Variants in TADA1 observed in about 807,000 individuals in gnomAD.
TADA1 encodes transcriptional adaptor 1.
TADA1 carries 23 observed loss-of-function variants against 39.3 expected under a neutral mutation model. The ratio of observed to expected loss-of-function variants is 0.58; its 90% CI spans 0.42 to 0.83. The LOEUF is 0.83. Ranked by LOEUF, TADA1 falls within the 40% of genes least tolerant of loss-of-function variation. The pLI is 0.00. For synonymous variants in TADA1, 137 were observed against 151.8 expected, an observed-to-expected ratio of 0.90 and a Z score of 0.72; for missense variants, 352 against 408.1, an observed-to-expected ratio of 0.86 and a Z score of 1.18.
chr1:166,862,512 A>G, intron 4 of TADA1, 100 bp from the exon 5 acceptor site: 1 of 915,866 alleles, frequency 1.1e-6, no homozygotes, highest in South Asian at 1.5e-5. Context: ...AATTAATGCC[A>G]CCAAAACTAT....
intron 7 of TADA1, 50 bp downstream of exon 7, chr1:166,858,069 C>G: frequency 6.2e-7 from 1 of 1,602,442 alleles, no homozygotes; most frequent in Non-Finnish European, 8.5e-7. Flanking sequence ...CTTAAAGAAT[C>G]TCTTAACCTA....
At chr1:166,858,900 A>G (rs577035217) in intron 6 of TADA1, among the ~76,000 whole-genome samples, 53 of 152,374 alleles carry the variant, frequency 3.5e-4, no homozygotes, top group Admixed American at 3.9e-4. Context: ...CAGCCCTGTT[A>G]GAGTAACAAG....
intron 4 of TADA1, 163 bp downstream of exon 4, chr1:166,863,661 A>G: frequency 1.6e-6 from 1 of 636,552 alleles, no homozygotes; most frequent in Non-Finnish European, 2.7e-6. Context: ...AAAAATTCAG[A>G]CACCTAGAAC....
intron 1 of TADA1, among the ~76,000 whole-genome samples, chr1:166,875,559 A>G (rs1658745013): frequency 1.3e-5 from 2 of 152,246 alleles, no homozygotes; most frequent in Non-Finnish European, 2.9e-5. Flanking sequence ...TGTTGTAAGG[A>G]TTAGATAATA....
Position 166,876,143 on chromosome 1 carries a change from G to C in TADA1, c.74+17C>G, listed in dbSNP as rs1208611782. ...ACCCGCGTGTTGGCCTGGACGCTGT[G>C]CTAGGGCAGCTCTTACTGTTTCACG... On this transcript the variant is annotated intron_variant, in intron 1 of 7. Transcript: ENST00000367874. The C allele has an allele frequency of 6.2e-7, 1 of 1,611,244 alleles. No individual in the cohort carries two copies. The highest frequency in any genetic ancestry group is 1.1e-5 in the South Asian group (1 of 90,514).
chr1:166,869,995 T>C (rs1256366737), intron 1 of TADA1, 141 bp from the exon 2 acceptor site: 1 of 662,648 alleles, frequency 1.5e-6, no homozygotes, highest in Non-Finnish European at 2.6e-6. Flanking sequence ...AGCTCTGAAC[T>C]TCTGGCTTTA....
At chr1:166,857,892 G>A (rs1658316400) in intron 7 of TADA1, among the ~76,000 whole-genome samples, 173 bp from the exon 8 acceptor site, 1 of 152,144 alleles carries the variant, frequency 6.6e-6, no homozygotes, top group Admixed American at 6.5e-5. Context: ...TCTGAAACAG[G>A]AATAGCAGAA....
rs147364580 is a variant in TADA1 at position 166,863,911 on chromosome 1, T to A, written c.243A>T (p.Gly81=). Residue 81 remains glycine (G), a synonymous_variant, in exon 4 of 8, where the codon GGA becomes GGT. Coordinates refer to ENST00000367874, the MANE Select transcript of TADA1 (RefSeq NM_053053.4). ...QILVSTPDGA[G]SLPWPGGSAA... ...CGGAACCCCCTGGCCAAGGCAAAGATCCAGCACCATCTAGGAGACAGAAAT... is the reference window on the plus strand; with the variant it reads ...CGGAACCCCCTGGCCAAGGCAAAGAACCAGCACCATCTAGGAGACAGAAAT... 1.0e-3 allele frequency: 1,603 copies of A among 1,608,108 alleles called. 18 individuals are homozygous for A. The East Asian group carries it at 0.029, about 29-fold the overall frequency.
At chr1:166,863,735 A>G in intron 4 of TADA1, 89 bp downstream of exon 4, 1 of 1,192,152 alleles carries the variant, frequency 8.4e-7, no homozygotes, top group Non-Finnish European at 1.2e-6. Context: ...TACTACCAGT[A>G]TTTTAATATT....
chr1:166,871,734 T>C (rs549704451), intron 1 of TADA1, among the ~76,000 whole-genome samples: 1 of 152,174 alleles, frequency 6.6e-6, no homozygotes, highest in Non-Finnish European at 1.5e-5. Context: ...TGGACACTTT[T>C]ATACATTTTT....
At chr1:166,859,681 GA>G (rs1261409500) in intron 6 of TADA1, among the ~76,000 whole-genome samples, 1 of 152,042 alleles carries the variant, frequency 6.6e-6, no homozygotes, top group African/African-American at 2.4e-5. Context: ...TGCACAGCAG[GA>G]GGCCAAAAGC....
At chr1:166,862,538 G>A (rs1658438976) in intron 4 of TADA1, 126 bp from the exon 5 acceptor site, 2 of 683,450 alleles carry the variant, frequency 2.9e-6, no homozygotes, top group Admixed American at 2.7e-5. Flanking sequence ...AGGGGTTAAG[G>A]GAAAAAAGAG....
At position 166,857,515 on chromosome 1, in the gene TADA1, A is replaced by G. The variant is rs34671474; in HGVS notation, c.*52T>C. 26,958 of 1,600,870 alleles carry G rather than the reference A, an allele frequency of 0.017. 275 individuals are homozygous for G. The highest frequency in any genetic ancestry group is 0.02 in the Non-Finnish European group (23,292 of 1,173,310). ...GAAATGTGGACCCAAAAAACATTCA[A>G]TTTTCAGTAATCAATGAATTCGGTG... On this transcript the variant is annotated 3_prime_UTR_variant, in exon 8 of 8. Coordinates refer to ENST00000367874, the MANE Select transcript of TADA1 (RefSeq NM_053053.4).
In TADA1 at chr1:166,876,074, G is replaced by A. The variant is rs1018093103; in HGVS notation, c.74+86C>T. 4 of 1,330,694 alleles carry A rather than the reference G, an allele frequency of 3.0e-6. No homozygotes were observed. In the African/African-American group the frequency reaches 6.1e-5, roughly 20 times the overall value. The allele number at this position is 1,330,694 out of a possible 1,614,324, so 82.4% of individuals were successfully genotyped here. On this transcript the variant is annotated intron_variant, in intron 1 of 7. Transcript: ENST00000367874. ...CAGGCTGCACAGGCCCCCGGGCGACGCGGGCGTCTCCGGGGCGGGCTGGCA... is the reference window on the plus strand; with the variant it reads ...CAGGCTGCACAGGCCCCCGGGCGACACGGGCGTCTCCGGGGCGGGCTGGCA...
At position 166,863,469 on chromosome 1, in the gene TADA1, A is replaced by C. The variant is rs571738026; in HGVS notation, c.330+355T>G. On this transcript the variant is annotated intron_variant, in intron 4 of 7. Coordinates refer to ENST00000367874, the MANE Select transcript of TADA1 (RefSeq NM_053053.4). Reference sequence around the variant, plus strand: ...GCTCAGGGCCCAGCTGGACATCACCAGGACCCCATTAAAGGCCTCCAGGCT... The same window carrying C: ...GCTCAGGGCCCAGCTGGACATCACCCGGACCCCATTAAAGGCCTCCAGGCT... Among the ~76,000 whole-genome samples, 9 of 152,324 alleles carry C rather than the reference A, an allele frequency of 5.9e-5. No individual in the cohort carries two copies. The East Asian group carries it at 1.7e-3, about 29-fold the overall frequency.
intron 6 of TADA1, among the ~76,000 whole-genome samples, chr1:166,858,483 C>T (rs930591322): frequency 6.6e-5 from 10 of 152,202 alleles, no homozygotes; most frequent in Non-Finnish European, 1.5e-4. Context: ...ATTTACCCTC[C>T]TTCTTCCACA....
chr1:166,862,109 C>T, intron 5 of TADA1, 94 bp downstream of exon 5: 1 of 1,193,716 alleles, frequency 8.4e-7, no homozygotes, highest in Non-Finnish European at 1.2e-6. Context: ...ATCAGAGTGA[C>T]ATTTGGATTC....
rs774942467 is a variant in TADA1 at position 166,863,909 on chromosome 1, G to C, written c.245C>G (p.Ser82Cys). 8 of 1,607,970 alleles carry C rather than the reference G, an allele frequency of 5.0e-6. No individual in the cohort carries two copies. Among genetic ancestry groups the C allele is most frequent in the Non-Finnish European group, 6.8e-6 (8 of 1,178,688 alleles). Residue 82 changes from serine to cysteine, a missense_variant, in exon 4 of 8, where the codon TCT (serine) becomes TGT (cysteine). This residue lies in a region of TADA1 where 285 missense variants were observed against 310.9 expected (regional missense o/e 0.92). Coordinates refer to ENST00000367874, the MANE Select transcript of TADA1 (RefSeq NM_053053.4). ...ILVSTPDGAGSLPWPGGSAAK... is the reference protein window; with the variant it reads ...ILVSTPDGAGCLPWPGGSAAK... ...TGCGGAACCCCCTGGCCAAGGCAAA[G>C]ATCCAGCACCATCTAGGAGACAGAA... is the stretch of plus-strand genomic sequence containing the variant.
At chr1:166,862,109 C>A in intron 5 of TADA1, 94 bp downstream of exon 5, 1 of 1,193,716 alleles carries the variant, frequency 8.4e-7, no homozygotes, top group Middle Eastern at 2.8e-4. Context: ...ATCAGAGTGA[C>A]ATTTGGATTC....
Sources: allele counts gnomAD v4.1 joint callset (sites outside exome capture counted in the v4.1 genomes callset), GRCh38; gene constraint gnomAD v4.1.1; regional missense constraint gnomAD v4.1.1; transcripts MANE v1.5; gene names NCBI Gene and HGNC (gene_info 2026-07-23, HGNC 2026-07-21).